IMMP2L: variants seen among roughly 807,000 people sequenced by gnomAD.
IMMP2L encodes mitochondrial inner membrane protease subunit 2.
IMMP2L carries 18 observed loss-of-function variants against 19.3 expected under a neutral mutation model. The ratio of observed to expected loss-of-function variants is 0.93; its 90% CI spans 0.64 to 1.38. IMMP2L has a LOEUF of 1.38. Among genes scored for constraint, IMMP2L ranks in the 40% most tolerant of loss-of-function variants. The pLI is 0.00. For synonymous variants in IMMP2L, 76 were observed against 73.0 expected, an observed-to-expected ratio of 1.04 and a Z score of -0.21; for missense variants, 233 against 218.2, an observed-to-expected ratio of 1.07 and a Z score of -0.43.
chr7:110,996,630 A>G (rs1823058659), intron 3 of IMMP2L, among the ~76,000 whole-genome samples: 1 of 152,102 alleles, frequency 6.6e-6, no homozygotes, highest in Admixed American at 6.6e-5. Flanking sequence ...GGATATTTAA[A>G]ATCCTCTTTT....
At chr7:111,456,369 C>T (rs1213481243) in intron 3 of IMMP2L, among the ~76,000 whole-genome samples, 1 of 151,860 alleles carries the variant, frequency 6.6e-6, no homozygotes, top group Non-Finnish European at 1.5e-5. Flanking sequence ...TGATGTACTG[C>T]TGACATTCCT....
intron 3 of IMMP2L, among the ~76,000 whole-genome samples, chr7:111,361,489 A>G (rs1270791023): frequency 6.6e-6 from 1 of 152,158 alleles, no homozygotes; most frequent in African/African-American, 2.4e-5. Context: ...TAGCAGTTGC[A>G]GCATAACTGA....
chr7:110,821,947 C>G (rs73194882), intron 5 of IMMP2L, among the ~76,000 whole-genome samples: 1,676 of 151,984 alleles, frequency 0.011, 13 homozygotes, highest in Middle Eastern at 0.024. Flanking sequence ...ATTCACTAGT[C>G]ATAAAGCCAG....
At chr7:110,993,823 C>G (rs757310692) in intron 3 of IMMP2L, among the ~76,000 whole-genome samples, 2 of 152,114 alleles carry the variant, frequency 1.3e-5, no homozygotes, top group African/African-American at 2.4e-5. Flanking sequence ...CCCCTCCTGA[C>G]TTCCCCATCG....
chr7:111,292,345 A>C (rs999981760), intron 3 of IMMP2L, among the ~76,000 whole-genome samples: 2 of 152,086 alleles, frequency 1.3e-5, no homozygotes, highest in African/African-American at 4.8e-5. Flanking sequence ...CAGGAGAAAA[A>C]GGGAATTGCC....
At chr7:111,520,327 G>T (rs1331273500) in intron 2 of IMMP2L, among the ~76,000 whole-genome samples, 2 of 152,036 alleles carry the variant, frequency 1.3e-5, no homozygotes, top group African/African-American at 4.8e-5. Context: ...TCAAATGATG[G>T]AAGTAGAATA....
chr7:110,704,845 G>A (rs1794538565), intron 5 of IMMP2L, among the ~76,000 whole-genome samples: 1 of 152,130 alleles, frequency 6.6e-6, no homozygotes, highest in African/African-American at 2.4e-5. Context: ...CATCCTGTTT[G>A]TCTAATACTA....
chr7:110,921,461 C>T (rs889108652), intron 4 of IMMP2L, among the ~76,000 whole-genome samples: 2 of 152,168 alleles, frequency 1.3e-5, no homozygotes, highest in Non-Finnish European at 2.9e-5. Context: ...TCATAGGGAT[C>T]ATTGGACATA....
intron 1 of IMMP2L, among the ~76,000 whole-genome samples, chr7:111,554,133 G>A (rs1790987168): frequency 6.6e-6 from 1 of 152,120 alleles, no homozygotes. Context: ...CTGCCATGAG[G>A]ACACCTAAGA....
At chr7:111,442,424 T>C (rs1426578075) in intron 3 of IMMP2L, among the ~76,000 whole-genome samples, 1 of 151,788 alleles carries the variant, frequency 6.6e-6, no homozygotes, top group Non-Finnish European at 1.5e-5. Context: ...TCATTTACAG[T>C]TGAATGATTT....
intron 3 of IMMP2L, among the ~76,000 whole-genome samples, chr7:111,149,573 TTTC>T (rs1178433137): frequency 6.6e-6 from 1 of 152,142 alleles, no homozygotes; most frequent in Admixed American, 6.5e-5. Context: ...ATACCTAACT[TTTC>T]TTAACTTTTT....
intron 3 of IMMP2L, among the ~76,000 whole-genome samples, chr7:111,009,211 G>T (rs1224389936): frequency 6.6e-6 from 1 of 152,038 alleles, no homozygotes; most frequent in Non-Finnish European, 1.5e-5. Context: ...TTCTAGAAAA[G>T]ATTTTGCCCA....
intron 3 of IMMP2L, among the ~76,000 whole-genome samples, chr7:110,987,395 C>T (rs572119301): frequency 6.6e-6 from 1 of 152,250 alleles, no homozygotes; most frequent in African/African-American, 2.4e-5. Flanking sequence ...ATCAGAACCA[C>T]TTATCTCTTT....
At chr7:110,975,823 C>T (rs1298767677) in intron 3 of IMMP2L, among the ~76,000 whole-genome samples, 2 of 152,052 alleles carry the variant, frequency 1.3e-5, no homozygotes, top group Admixed American at 6.6e-5. Flanking sequence ...TGAATGTTTT[C>T]AGTATTAATT....
chr7:110,671,077 G>A (rs1258222189), intron 5 of IMMP2L, among the ~76,000 whole-genome samples: 1 of 152,182 alleles, frequency 6.6e-6, no homozygotes, highest in Non-Finnish European at 1.5e-5. Flanking sequence ...ACCTTGAGCA[G>A]ATCATTGCAT....
chr7:111,494,856 CA>C (rs1843443974), intron 2 of IMMP2L, among the ~76,000 whole-genome samples: 1 of 152,068 alleles, frequency 6.6e-6, no homozygotes, highest in South Asian at 2.1e-4. Flanking sequence ...AAAAATTAAA[CA>C]TTTAAATATT....
Position 110,904,185 on chromosome 7 carries a change from T to C in IMMP2L, c.306-17490A>G, listed in dbSNP as rs1045419679. Among the ~76,000 whole-genome samples the C allele has an allele frequency of 2.6e-5, 4 of 152,172 alleles. No homozygotes were observed. The East Asian group carries it at 7.7e-4, about 29-fold the overall frequency. ...CCAGATATATAGTTTGTAAATATTT[T>C]CCCCCATTCCACAGGTTGTCTTTTC... On this transcript the variant is annotated intron_variant, in intron 4 of 5. Transcript: ENST00000405709.
At chr7:110,844,720 G>T in intron 5 of IMMP2L, among the ~76,000 whole-genome samples, 1 of 53,740 alleles carries the variant, frequency 1.9e-5, no homozygotes. Context: ...CAGTCCAGAA[G>T]GAGAGATGGT....
intron 5 of IMMP2L, among the ~76,000 whole-genome samples, chr7:110,768,090 G>C (rs984812671): frequency 1.3e-5 from 2 of 152,084 alleles, no homozygotes; most frequent in East Asian, 1.9e-4. Context: ...GGACTAATAG[G>C]TGCTGTAACT....
Sources: gnomAD v4.1 joint callset for allele counts (sites outside exome capture counted in the v4.1 genomes callset) on GRCh38, gnomAD v4.1.1 for gene constraint, MANE v1.5 for transcripts, NCBI Gene and HGNC (gene_info 2026-07-23, HGNC 2026-07-21) for gene names.